The following HDLBP variants were observed in gnomAD, a reference collection of about 807,000 sequenced individuals.
HDLBP encodes the protein high density lipoprotein binding protein.
HDLBP carries 30 observed loss-of-function variants against 137.3 expected under a neutral mutation model. The ratio of observed to expected loss-of-function variants is 0.22; its 90% CI spans 0.16 to 0.30. The LOEUF is 0.30. Ranked by LOEUF, HDLBP falls within the 10% of genes least tolerant of loss-of-function variation. The pLI, the probability that HDLBP is intolerant of heterozygous loss-of-function variation, is 1.00. For missense variants in HDLBP, 1,119 were observed against 1,667.3 expected (o/e 0.67, Z 5.73); for synonymous variants, 606 against 596.0 (o/e 1.02, Z -0.24).
chr2:241,298,191 CCT>C (rs780032650), intron 1 of HDLBP, among the ~76,000 whole-genome samples: 5 of 151,170 alleles, frequency 3.3e-5, no homozygotes, highest in East Asian at 1.9e-4. Context: ...GTGGTGAAAC[CCT>C]GTCTCTACTA....
At position 241,240,165 on chromosome 2, in the gene HDLBP, C is replaced by T. The variant is rs769257826; in HGVS notation, c.2170-43G>A. The T allele has an allele frequency of 5.0e-6, 8 of 1,587,556 alleles. No homozygotes were observed. The Admixed American group carries it at 1.3e-4, about 26-fold the overall frequency. On this transcript the variant is annotated intron_variant, in intron 17 of 27. Coordinates refer to ENST00000310931, the MANE Select transcript of HDLBP (RefSeq NM_005336.6). The surrounding 1 kb of genome is among the most constrained non-coding windows in gnomAD (Gnocchi z 5.5). ...ACTGTGTTAGCCTGACACCACGTGCCTGGACCACAGTGAGGAAGACAAGAG... is the reference window on the plus strand; with the variant it reads ...ACTGTGTTAGCCTGACACCACGTGCTTGGACCACAGTGAGGAAGACAAGAG...
At position 241,238,933 on chromosome 2, in the gene HDLBP, C is replaced by T. The variant is rs2070892983; in HGVS notation, c.2611-146G>A. The T allele has an allele frequency of 3.3e-6, 2 of 611,296 alleles. No homozygotes were observed. Among genetic ancestry groups the T allele is most frequent in the African/African-American group, 1.9e-5 (1 of 53,696 alleles). The allele number at this position is 611,296 out of a possible 1,614,324, so 37.9% of individuals were successfully genotyped here. On this transcript the variant is annotated intron_variant, in intron 19 of 27. Coordinates refer to ENST00000310931, the MANE Select transcript of HDLBP (RefSeq NM_005336.6). This position sits in a 1 kb window ranked among gnomAD's most constrained non-coding sequence, Gnocchi z 4.9. The stretch of plus-strand genomic sequence containing the variant: ...TCCCCTTCTCCCGAGTCCAGGGCTC[C>T]AGGCGCAGGGAGGAGGGAGGTAGCA...
At chr2:241,285,722 A>G (rs2074782140) in intron 1 of HDLBP, among the ~76,000 whole-genome samples, 1 of 152,234 alleles carries the variant, frequency 6.6e-6, no homozygotes, top group Non-Finnish European at 1.5e-5. Flanking sequence ...ATTTCAAGAA[A>G]AACAAGTTGC....
chr2:241,253,030 G>A lies in HDLBP; in HGVS notation c.1299C>T (p.Asn433=), dbSNP rs1185422453. 1 of 1,604,110 alleles carries A rather than the reference G, an allele frequency of 6.2e-7. No individual in the cohort carries two copies. The highest frequency in any genetic ancestry group is 8.5e-7 in the Non-Finnish European group (1 of 1,171,644). Reference sequence around the variant, plus strand: ...TGTTGATCTCCACATAGTCCATCCGGTTAATCTGCAGGAGGAGCACAGAGG... The same window carrying A: ...TGTTGATCTCCACATAGTCCATCCGATTAATCTGCAGGAGGAGCACAGAGG... The part of the protein sequence containing the change: ...QIEGMVKDLI[N]RMDYVEINID... The change falls in exon 11 of 28, where the codon AAC becomes AAT. Residue 433 remains asparagine, a synonymous_variant. Coordinates refer to ENST00000310931, the MANE Select transcript of HDLBP (RefSeq NM_005336.6).
In HDLBP at chr2:241,239,659, G is replaced by A. The variant is rs764910030; in HGVS notation, c.2553C>T (p.Gly851=). Residue 851 remains glycine (G), a synonymous_variant, in exon 19 of 28, where the codon GGC becomes GGT. Transcript: ENST00000310931. This position sits in a 1 kb window ranked among gnomAD's most constrained non-coding sequence, Gnocchi z 4.6. The stretch of plus-strand genomic sequence containing the variant: ...TGGCTGCCTCCACACAGTCCTTGGC[G>A]CCCTTGAGGGTGACTTTGTCGCTCT... ...GTQSDKVTLK[G]AKDCVEAAKK... is the part of the protein sequence containing the mutation. 27 of 1,614,174 alleles carry A rather than the reference G, an allele frequency of 1.7e-5. No homozygotes were observed. The highest frequency in any genetic ancestry group is 1.3e-4 in the East Asian group (6 of 44,886).
chr2:241,266,798 G>T lies in HDLBP; in HGVS notation c.72C>A (p.Ile24=), dbSNP rs1203424552. 1.2e-6 allele frequency: 2 copies of T among 1,600,902 alleles called. No individual in the cohort carries two copies. Among genetic ancestry groups the T allele is most frequent in the Non-Finnish European group, 8.6e-7 (1 of 1,167,914 alleles). ...EHRSGLVPQQ[I]KVATLNSEEE... ...AGCACATAAAAGGGCTGTCACCTTT[G>T]ATTTGTTGCGGAACCAGCCCACTTC... Residue 24 remains isoleucine, a synonymous_variant, in exon 3 of 28, where the codon ATC becomes ATA. Coordinates refer to ENST00000310931, the MANE Select transcript of HDLBP (RefSeq NM_005336.6).
chr2:241,301,208 C>T (rs912328874), intron 1 of HDLBP, among the ~76,000 whole-genome samples: 3 of 150,520 alleles, frequency 2.0e-5, no homozygotes, highest in Admixed American at 6.6e-5. Flanking sequence ...AGGATGGTCT[C>T]GATCTCCTGA....
At chr2:241,297,189 G>A (rs983687317) in intron 1 of HDLBP, among the ~76,000 whole-genome samples, 1 of 152,220 alleles carries the variant, frequency 6.6e-6, no homozygotes, top group African/African-American at 2.4e-5. Context: ...GAGCCCAAGT[G>A]GAGTGAGGAA....
intron 1 of HDLBP, chr2:241,271,188 T>C: frequency 1.0e-6 from 1 of 955,310 alleles, no homozygotes. Flanking sequence ...CCCTTCGTGA[T>C]TCTGGCTCTC....
chr2:241,278,177 T>G (rs1330873708), intron 1 of HDLBP, among the ~76,000 whole-genome samples: 1 of 152,128 alleles, frequency 6.6e-6, no homozygotes. Context: ...AAACAAATAT[T>G]ATCACGATGA....
At chr2:241,247,186 G>A (rs1159404164) in intron 14 of HDLBP, 44 bp from the exon 15 acceptor site, 5 of 1,261,844 alleles carry the variant, frequency 4.0e-6, no homozygotes, top group Non-Finnish European at 5.8e-6. Context: ...CTGTGCTAGA[G>A]AGTAAAATAC....
chr2:241,277,687 C>T (rs1300696135), intron 1 of HDLBP, among the ~76,000 whole-genome samples: 1 of 152,190 alleles, frequency 6.6e-6, no homozygotes, highest in African/African-American at 2.4e-5. Context: ...CAAGGCCGGG[C>T]GAGGTGGCTC....
chr2:241,265,372 TGC>T (rs1221583527), intron 3 of HDLBP, among the ~76,000 whole-genome samples: 4 of 152,072 alleles, frequency 2.6e-5, no homozygotes, highest in African/African-American at 9.7e-5. Context: ...GAGCCAAGAC[TGC>T]GCCATTGCAC....
chr2:241,265,846 C>T (rs1394241770), intron 3 of HDLBP, among the ~76,000 whole-genome samples: 1 of 152,212 alleles, frequency 6.6e-6, no homozygotes, highest in Admixed American at 6.5e-5. Context: ...GAAACACAGA[C>T]TTCACAGGGA....
At chr2:241,241,334 G>A (rs1383042031) in intron 17 of HDLBP, among the ~76,000 whole-genome samples, 3 of 152,010 alleles carry the variant, frequency 2.0e-5, no homozygotes, top group African/African-American at 2.4e-5. Context: ...TTGGGAGGCC[G>A]AGGCGGGCGG....
chr2:241,302,088 C>CAAAAA (rs35141608), intron 1 of HDLBP, among the ~76,000 whole-genome samples: 1 of 118,814 alleles, frequency 8.4e-6, no homozygotes, highest in Non-Finnish European at 1.8e-5. Context: ...CCCATCTCTA[C>CAAAAA]AAAAAAAAAA....
chr2:241,229,587 G>A lies in HDLBP; in HGVS notation c.*14C>T, dbSNP rs759203821. 49 of 1,603,164 alleles carry A rather than the reference G, an allele frequency of 3.1e-5. No individual in the cohort carries two copies. Among genetic ancestry groups the A allele is most frequent in the Non-Finnish European group, 3.8e-5 (45 of 1,170,548 alleles). On this transcript the variant is annotated 3_prime_UTR_variant, in exon 28 of 28. Coordinates refer to ENST00000310931, the MANE Select transcript of HDLBP (RefSeq NM_005336.6). The stretch of plus-strand genomic sequence containing the variant: ...GGGTCAGCAGGCTGGAGAGGGTTCT[G>A]TTCTTTTTGATCATTATCGTTTGGG...
chr2:241,237,474 G>A lies in HDLBP; in HGVS notation c.2750-705C>T, dbSNP rs1329077829. 2.0e-5 allele frequency among the ~76,000 whole-genome samples: 3 copies of A among 152,198 alleles called. No individual in the cohort carries two copies. In the East Asian group the frequency reaches 5.8e-4, roughly 29 times the overall value. ...AGACAGAACCCAGGAGGTGTGTGAT[G>A]TAAATAAATGAGCAGGAGACCAGAC... On this transcript the variant is annotated intron_variant, in intron 20 of 27. Coordinates refer to ENST00000310931, the MANE Select transcript of HDLBP (RefSeq NM_005336.6).
chr2:241,256,451 G>A lies in HDLBP; in HGVS notation c.658-52C>T, dbSNP rs767226722. On this transcript the variant is annotated intron_variant, in intron 6 of 27. Transcript: ENST00000310931. ...GAACAGGCCTTTGAAAACAAACTGG[G>A]GACAGACAGGGCTTTTTAGAGTTGG... 2.6e-6 allele frequency: 4 copies of A among 1,530,876 alleles called. No homozygotes were observed. The African/African-American group carries it at 4.1e-5, about 16-fold the overall frequency. 94.8% of individuals were successfully genotyped at this position (1,530,876 alleles called of 1,614,324 possible). A position where few individuals can be genotyped will look rare whatever the true frequency, so the allele number is the denominator to read the frequency against.
Sources: gnomAD v4.1 joint callset for allele counts (sites outside exome capture counted in the v4.1 genomes callset) on GRCh38, gnomAD v4.1.1 for gene constraint, Gnocchi (gnomAD v3.1) non-coding constraint, MANE v1.5 for transcripts, NCBI Gene and HGNC (gene_info 2026-07-23, HGNC 2026-07-21) for gene names.